The following KCNMA1 variants were observed in gnomAD, a reference collection of about 807,000 sequenced individuals.
KCNMA1 encodes the protein potassium calcium-activated channel subfamily M alpha 1.
A neutral mutation model predicts 140.0 loss-of-function variants in KCNMA1; 29 were observed. The observed-to-expected ratio is 0.21, with a 90% CI of 0.15 to 0.28. The LOEUF (loss-of-function observed/expected upper bound fraction) is 0.28, where lower values mean the gene tolerates loss of function less well. KCNMA1 is among the 10% of genes least tolerant of loss of function. KCNMA1 has a pLI of 1.00. For synonymous variants in KCNMA1, 612 were observed against 611.9 expected (o/e 1.00, Z 0.00); for missense variants, 880 against 1,602.2 (o/e 0.55, Z 7.70).
At chr10:76,983,952 T>G (rs2080383493) in intron 19 of KCNMA1, among the ~76,000 whole-genome samples, 1 of 152,120 alleles carries the variant, frequency 6.6e-6, no homozygotes, top group Non-Finnish European at 1.5e-5. Flanking sequence ...GTTGAAAAAT[T>G]GGGTATGTGT....
chr10:77,296,180 G>T (rs2075062554), intron 2 of KCNMA1, among the ~76,000 whole-genome samples: 1 of 152,284 alleles, frequency 6.6e-6, no homozygotes, highest in Non-Finnish European at 1.5e-5. Context: ...TGGGCCCACT[G>T]TAATCACTAG....
intron 24 of KCNMA1, chr10:76,912,131 C>A (rs2050581733): frequency 6.6e-6 from 1 of 152,206 alleles, no homozygotes; most frequent in African/African-American, 2.4e-5. Context: ...AGAAGGAGAG[C>A]AAGCAATGCT....
intron 2 of KCNMA1, chr10:77,314,022 T>C (rs923800503): frequency 3.3e-5 from 5 of 152,058 alleles, no homozygotes; most frequent in Admixed American, 1.3e-4. Context: ...TGGAATGAAA[T>C]GAAGTGGAGT....
chr10:77,395,972 A>G lies in KCNMA1; in HGVS notation c.540+7890T>C, dbSNP rs112106656. 8.2e-3 allele frequency among the ~76,000 whole-genome samples: 1,247 copies of G among 152,346 alleles called. 8 individuals carry two copies. Among genetic ancestry groups the G allele is most frequent in the Middle Eastern group, 0.02 (6 of 294 alleles). On this transcript the variant is annotated intron_variant, in intron 2 of 27. Coordinates refer to ENST00000286628, the MANE Select transcript of KCNMA1 (RefSeq NM_001161352.2). ...AAATTTCATGTTTAATAGTAAAAAA[A>G]GAATGTATCTTCTTTGACTTTTTGA...
At chr10:77,186,378 CA>C (rs57385699) in intron 3 of KCNMA1, among the ~76,000 whole-genome samples, 2 of 147,938 alleles carry the variant, frequency 1.4e-5, no homozygotes, top group African/African-American at 5.0e-5. Flanking sequence ...AAACAAAAAA[CA>C]AAAAAAAACG....
intron 5 of KCNMA1, among the ~76,000 whole-genome samples, chr10:77,163,241 T>C (rs1047622009): frequency 6.6e-6 from 1 of 152,190 alleles, no homozygotes; most frequent in Non-Finnish European, 1.5e-5. Context: ...AATATGAAAA[T>C]TGTATGAAAT....
chr10:77,064,145 T>G (rs546504289), intron 14 of KCNMA1: 276 of 983,326 alleles, frequency 2.8e-4, no homozygotes, highest in Non-Finnish European at 3.2e-4. Context: ...TGATTACAGC[T>G]ATAAAACCAA....
chr10:77,324,965 CTCTCTCTGTGTG>C (rs1335110916), intron 2 of KCNMA1, among the ~76,000 whole-genome samples: 9 of 106,088 alleles, frequency 8.5e-5, no homozygotes, highest in African/African-American at 3.2e-4. Context: ...CTCTCTCTCT[CTCTCTCTGTGTG>C]TGTGTGTGTG....
intron 2 of KCNMA1, among the ~76,000 whole-genome samples, chr10:77,347,886 A>G (rs998971949): frequency 6.6e-6 from 1 of 152,236 alleles, no homozygotes; most frequent in African/African-American, 2.4e-5. Context: ...TTAATCCTCA[A>G]TGCAACCCTG....
At chr10:77,469,886 G>A (rs1210590826) in intron 1 of KCNMA1, among the ~76,000 whole-genome samples, 1 of 152,206 alleles carries the variant, frequency 6.6e-6, no homozygotes. Flanking sequence ...ACAGTGGCCG[G>A]GAAGCCGCTG....
At chr10:77,277,552 C>T (rs764918743) in intron 2 of KCNMA1, among the ~76,000 whole-genome samples, 1 of 152,188 alleles carries the variant, frequency 6.6e-6, no homozygotes, top group Non-Finnish European at 1.5e-5. Flanking sequence ...CAAGCTCTGC[C>T]ACAGACAACT....
chr10:77,361,551 G>C lies in KCNMA1; in HGVS notation c.540+42311C>G, dbSNP rs1566254342. On this transcript the variant is annotated intron_variant, in intron 2 of 27. Transcript: ENST00000286628. ...AGCAGAAAAGCCCGGGAACTAATGA[G>C]ATTCAGAGAGCTCGAAAATTAGAGG... is the stretch of plus-strand genomic sequence containing the variant. 3.9e-5 allele frequency among the ~76,000 whole-genome samples: 6 copies of C among 152,254 alleles called. No individual in the cohort carries two copies. The South Asian group carries it at 1.2e-3, about 32-fold the overall frequency.
intron 2 of KCNMA1, among the ~76,000 whole-genome samples, chr10:77,293,508 T>C (rs1453313043): frequency 3.9e-5 from 6 of 152,222 alleles, no homozygotes; most frequent in African/African-American, 1.4e-4. Context: ...TGTGGGTTCC[T>C]TTCTTAACCA....
chr10:77,474,300 G>T (rs2098230167), intron 1 of KCNMA1, among the ~76,000 whole-genome samples: 2 of 152,144 alleles, frequency 1.3e-5, no homozygotes, highest in Non-Finnish European at 2.9e-5. Context: ...TTGGTGACAG[G>T]GTCTTTGAAC....
intron 3 of KCNMA1, among the ~76,000 whole-genome samples, chr10:77,245,459 T>A (rs921900848): frequency 6.6e-6 from 1 of 152,220 alleles, no homozygotes; most frequent in Non-Finnish European, 1.5e-5. Context: ...GCAGTGGGTC[T>A]ACACCTGTGC....
At chr10:76,978,986 T>G (rs775507187) in intron 19 of KCNMA1, among the ~76,000 whole-genome samples, 9 of 152,210 alleles carry the variant, frequency 5.9e-5, no homozygotes, top group Non-Finnish European at 1.3e-4. Flanking sequence ...CATGAAACTA[T>G]CATTTATCTT....
At chr10:77,539,066 G>A (rs1249710600) in intron 1 of KCNMA1, among the ~76,000 whole-genome samples, 1 of 152,076 alleles carries the variant, frequency 6.6e-6, no homozygotes, top group Admixed American at 6.5e-5. Flanking sequence ...GGTCCGGGAG[G>A]ACCCTAGGGA....
At chr10:77,141,067 C>T (rs1323748282) in intron 5 of KCNMA1, among the ~76,000 whole-genome samples, 3 of 152,036 alleles carry the variant, frequency 2.0e-5, no homozygotes, top group Non-Finnish European at 2.9e-5. Context: ...AATTGTCCTA[C>T]TCCTCCTGTC....
chr10:77,085,233 T>C (rs1420850264), intron 11 of KCNMA1, among the ~76,000 whole-genome samples: 1 of 152,208 alleles, frequency 6.6e-6, no homozygotes. Context: ...ATCAGAGCTC[T>C]AAATCAGATA....
Sources: allele counts gnomAD v4.1 joint callset (sites outside exome capture counted in the v4.1 genomes callset), GRCh38; gene constraint gnomAD v4.1.1; transcripts MANE v1.5; gene names NCBI Gene and HGNC (gene_info 2026-07-23, HGNC 2026-07-21).